COL24A1: variants seen among roughly 807,000 people sequenced by gnomAD.
COL24A1 encodes collagen type XXIV alpha 1 chain, also known as collagen alpha-1(XXIV) chain.
COL24A1 carries 224 observed loss-of-function variants against 253.9 expected under a neutral mutation model. That is an observed-to-expected ratio of 0.88 (90% CI 0.79 to 0.99). COL24A1 has a LOEUF of 0.99. Among genes scored for constraint, COL24A1 ranks in the 50% least tolerant of loss-of-function variants. The pLI is 0.00. For missense variants in COL24A1, 2,131 were observed against 2,068.5 expected, an observed-to-expected ratio of 1.03 and a Z score of -0.59; for synonymous variants, 685 against 673.7, an observed-to-expected ratio of 1.02 and a Z score of -0.26.
chr1:85,876,771 T>A (rs1681212673), intron 33 of COL24A1, among the ~76,000 whole-genome samples: 1 of 152,224 alleles, frequency 6.6e-6, no homozygotes, highest in South Asian at 2.1e-4. Flanking sequence ...ATTTGGCTTA[T>A]AATTCCAAAA....
At chr1:85,953,265 A>G (rs1690101653) in intron 24 of COL24A1, among the ~76,000 whole-genome samples, 1 of 152,172 alleles carries the variant, frequency 6.6e-6, no homozygotes, top group South Asian at 2.1e-4. Flanking sequence ...GACCCCTTCT[A>G]TATAGAAAGT....
chr1:86,085,576 A>G (rs1468259560), intron 7 of COL24A1, among the ~76,000 whole-genome samples: 1 of 152,228 alleles, frequency 6.6e-6, no homozygotes, highest in African/African-American at 2.4e-5. Flanking sequence ...CCATTCTAAT[A>G]TAGCAACTGA....
Position 85,838,447 on chromosome 1 carries a change from G to GAAAGTAGA in COL24A1, c.3681+130_3681+137dup, listed in dbSNP as rs1297036712. The GAAAGTAGA allele has an allele frequency of 1.3e-5, 9 of 711,462 alleles. No individual in the cohort carries two copies. In the Admixed American group the frequency reaches 2.5e-4, roughly 20 times the overall value. The allele number at this position is 711,462 out of a possible 1,614,324, so 44.1% of individuals were successfully genotyped here. On this transcript the variant is annotated intron_variant, in intron 43 of 59. Transcript: ENST00000370571. Reference sequence around the variant, plus strand: ...AAGATGATTCTAGGAAGGAGGAACAGAAAGTAGAAAGACGTCTCTTCTAGG... The same window carrying GAAAGTAGA: ...AAGATGATTCTAGGAAGGAGGAACAGAAAGTAGAAAAGTAGAAAGACGTCTCTTCTAGG...
chr1:85,969,644 C>T (rs12747217), intron 22 of COL24A1, among the ~76,000 whole-genome samples: 27,103 of 132,332 alleles, frequency 0.2, 2,969 homozygotes, highest in Non-Finnish European at 0.24. Context: ...AAGGAAGAAC[C>T]AGTACTTTAT....
chr1:85,893,655 G>A (rs768889154), intron 31 of COL24A1, among the ~76,000 whole-genome samples: 3 of 152,002 alleles, frequency 2.0e-5, no homozygotes, highest in Non-Finnish European at 2.9e-5. Flanking sequence ...GTTGGTCCAC[G>A]GACAAATATA....
intron 55 of COL24A1, among the ~76,000 whole-genome samples, chr1:85,756,862 T>C (rs553380991): frequency 6.6e-6 from 1 of 152,358 alleles, no homozygotes; most frequent in South Asian, 2.1e-4. Context: ...ACATGGACTA[T>C]TATTCAGCTT....
At position 85,842,344 on chromosome 1, in the gene COL24A1, T is replaced by A. The variant is rs576663692; in HGVS notation, c.3512A>T (p.Tyr1171Phe). ...TTTTCAATTATAAATACTTACCCTG[T>A]ACCCTGGAATTCCTGGTTCTCCATC... ...GPDGEPGIPGYRGHQGQPGPS... is the reference protein window; with the variant it reads ...GPDGEPGIPGFRGHQGQPGPS... Residue 1171 changes from tyrosine (Y) to phenylalanine (F), a missense_variant, in exon 40 of 60, where the codon TAC becomes TTC. Tyr to Phe is a conservative substitution (Grantham distance 22, BLOSUM62 3). Transcript: ENST00000370571. 5 of 1,596,060 alleles carry A rather than the reference T, an allele frequency of 3.1e-6. No homozygotes were observed. The East Asian group carries it at 1.1e-4, about 36-fold the overall frequency.
At chr1:85,949,855 A>C (rs970320727) in intron 24 of COL24A1, among the ~76,000 whole-genome samples, 1 of 152,076 alleles carries the variant, frequency 6.6e-6, no homozygotes, top group African/African-American at 2.4e-5. Context: ...GTTCCTCATT[A>C]TTTCATCATT....
At chr1:85,856,201 AG>A (rs1161324878) in intron 37 of COL24A1, among the ~76,000 whole-genome samples, 3 of 151,814 alleles carry the variant, frequency 2.0e-5, no homozygotes, top group Non-Finnish European at 2.9e-5. Flanking sequence ...CATTTTGTTC[AG>A]TTCAGCTTTG....
At chr1:85,795,118 A>G (rs545901975) in intron 47 of COL24A1, among the ~76,000 whole-genome samples, 1 of 152,160 alleles carries the variant, frequency 6.6e-6, no homozygotes, top group Non-Finnish European at 1.5e-5. Flanking sequence ...GTATTATTTT[A>G]TTTGATCTGG....
intron 20 of COL24A1, among the ~76,000 whole-genome samples, chr1:85,984,717 C>T (rs10493780): frequency 0.12 from 18,462 of 151,644 alleles, 1,263 homozygotes; most frequent in South Asian, 0.23. Flanking sequence ...TGGTTTACCG[C>T]GAACTATTAA....
intron 12 of COL24A1, among the ~76,000 whole-genome samples, chr1:86,040,175 TAA>T (rs1341098808): frequency 6.6e-6 from 1 of 152,090 alleles, no homozygotes; most frequent in African/African-American, 2.4e-5. Flanking sequence ...CCCTCAATAA[TAA>T]GAGTCCCACC....
intron 20 of COL24A1, among the ~76,000 whole-genome samples, chr1:85,975,539 C>T (rs981035185): frequency 6.6e-6 from 1 of 152,162 alleles, no homozygotes. Flanking sequence ...CATGTTCCAA[C>T]TCATATGTGG....
intron 42 of COL24A1, 113 bp from the exon 43 acceptor site, chr1:85,838,751 A>G: frequency 1.1e-6 from 1 of 929,016 alleles, no homozygotes; most frequent in South Asian, 1.6e-5. Context: ...AAAACCAAAT[A>G]TATGATTTGT....
chr1:86,138,917 T>C (rs957520854), intron 2 of COL24A1, among the ~76,000 whole-genome samples: 3 of 152,078 alleles, frequency 2.0e-5, no homozygotes, highest in African/African-American at 7.2e-5. Context: ...TTACTCATCC[T>C]GCAAGGCTCA....
chr1:85,948,128 T>C (rs1247354109), intron 24 of COL24A1, among the ~76,000 whole-genome samples: 4 of 152,196 alleles, frequency 2.6e-5, no homozygotes, highest in Admixed American at 6.5e-5. Context: ...AAGTCTCAAC[T>C]TTTTTCAAGA....
At chr1:85,965,102 T>C (rs1431062528) in intron 22 of COL24A1, 40 bp from the exon 23 acceptor site, 1 of 1,494,408 alleles carries the variant, frequency 6.7e-7, no homozygotes, top group South Asian at 1.3e-5. Flanking sequence ...TATATATGTT[T>C]AGTCATTCTC....
chr1:85,946,089 C>T (rs1417924388), intron 24 of COL24A1, among the ~76,000 whole-genome samples: 1 of 152,136 alleles, frequency 6.6e-6, no homozygotes, highest in Admixed American at 6.5e-5. Context: ...TTATGCTAAA[C>T]ACTTGTTTTC....
chr1:86,143,855 C>T (rs949099030), intron 2 of COL24A1, among the ~76,000 whole-genome samples: 1 of 151,926 alleles, frequency 6.6e-6, no homozygotes, highest in Non-Finnish European at 1.5e-5. Context: ...ATATTTATTT[C>T]TGATAAGTCT....
Sources: allele counts gnomAD v4.1 joint callset (sites outside exome capture counted in the v4.1 genomes callset), GRCh38; gene constraint gnomAD v4.1.1; transcripts MANE v1.5; gene names NCBI Gene and HGNC (gene_info 2026-07-23, HGNC 2026-07-21).